The following MOB1A variants were observed in gnomAD, a reference collection of about 807,000 sequenced individuals.
The protein encoded by MOB1A is MOB1 Mps One Binder homolog A.
In MOB1A, 10 loss-of-function variants were observed where a neutral mutation model predicts 25.1. The observed-to-expected ratio is 0.40, with a 90% CI of 0.25 to 0.68. The LOEUF (loss-of-function observed/expected upper bound fraction) is 0.68. Ranked by LOEUF, MOB1A falls within the 30% of genes least tolerant of loss-of-function variation. The pLI is 0.40. For synonymous variants in MOB1A, 81 were observed against 79.5 expected (o/e 1.02, Z -0.10); for missense variants, 177 against 256.3 (o/e 0.69, Z 2.11).
rs1325937338 is a variant in MOB1A at position 74,172,690 on chromosome 2, T to C, written c.77A>G (p.Tyr26Cys). ...KKNIPEGSHQ[Y>C]ELLKHAEATL... is the part of the protein sequence containing the mutation. ...TGCTTCTGCATGTTTTAAGAGTTCA[T>C]ACTGATGAGATCCTTCAGGGATATT... Residue 26 changes from tyrosine (Y) to cysteine (C), a missense_variant, in exon 2 of 6, where the codon TAT (tyrosine) becomes TGT (cysteine). Coordinates refer to ENST00000396049, the MANE Select transcript of MOB1A (RefSeq NM_018221.5). 1.2e-6 allele frequency: 2 copies of C among 1,613,986 alleles called. No homozygotes were observed. The highest frequency in any genetic ancestry group is 2.7e-5 in the African/African-American group (2 of 75,060).
At chr2:74,178,613 C>T (rs778384951) in intron 1 of MOB1A, 48 bp downstream of exon 1, 3 of 1,361,472 alleles carry the variant, frequency 2.2e-6, no homozygotes, top group South Asian at 1.7e-5. Context: ...AGGCCTCCCC[C>T]ACAACCTCGG....
chr2:74,162,074 A>G (rs781642257), intron 4 of MOB1A, among the ~76,000 whole-genome samples: 43 of 152,250 alleles, frequency 2.8e-4, no homozygotes, highest in Non-Finnish European at 5.3e-4. Flanking sequence ...TTAATGATAA[A>G]CAGTTCTGTC....
chr2:74,178,639 C>G, intron 1 of MOB1A, 22 bp downstream of exon 1: 1 of 1,385,182 alleles, frequency 7.2e-7, no homozygotes, highest in South Asian at 1.7e-5. Flanking sequence ...AGGCCCGGCG[C>G]CCGCGGCCCG....
Position 74,172,608 on chromosome 2 carries a change from G to C in MOB1A, c.159C>G (p.Leu53=), listed in dbSNP as rs774766348. 5 of 1,613,318 alleles carry C rather than the reference G, an allele frequency of 3.1e-6. No homozygotes were observed. In the African/African-American group the frequency reaches 6.7e-5, roughly 22 times the overall value. ...TACTGTTCACAGCAATCCATTCATT[G>C]AGATCCTCTCCCTCAGGCAACATAA... ...QAVMLPEGED[L]NEWIAVNTVD... Residue 53 remains leucine, a synonymous_variant, in exon 2 of 6, where the codon CTC becomes CTG. Transcript: ENST00000396049.
In MOB1A at chr2:74,153,718, T is replaced by C. The variant is rs760865343; in HGVS notation, c.*2850A>G. On this transcript the variant is annotated 3_prime_UTR_variant, in exon 6 of 6. Coordinates refer to ENST00000396049, the MANE Select transcript of MOB1A (RefSeq NM_018221.5). ...ATTAACTGCATAATTTAGCAAGCAC[T>C]CTCTACCCCATGACTGTAATCATGT... 3 of 152,184 alleles carry C rather than the reference T, an allele frequency of 2.0e-5. No individual in the cohort carries two copies. Among genetic ancestry groups the C allele is most frequent in the Non-Finnish European group, 4.4e-5 (3 of 68,040 alleles). The allele number at this position is 152,184 out of a possible 1,614,324, so 9.4% of individuals were successfully genotyped here.
chr2:74,163,795 A>G, intron 4 of MOB1A, among the ~76,000 whole-genome samples: 1 of 152,324 alleles, frequency 6.6e-6, no homozygotes, highest in East Asian at 1.9e-4. Context: ...TACAAGAGAA[A>G]ATAAAGCTAA....
chr2:74,158,041 G>A (rs746923343), intron 5 of MOB1A, among the ~76,000 whole-genome samples: 20 of 151,976 alleles, frequency 1.3e-4, no homozygotes, highest in Admixed American at 3.3e-4. Context: ...TTAGCCGGGC[G>A]TGGTGGCAGG....
chr2:74,161,010 G>C (rs1485020788), intron 4 of MOB1A, among the ~76,000 whole-genome samples: 1 of 151,742 alleles, frequency 6.6e-6, no homozygotes, highest in Non-Finnish European at 1.5e-5. Flanking sequence ...AGTGAGCCAA[G>C]ATTGCCGCCA....
intron 3 of MOB1A, among the ~76,000 whole-genome samples, chr2:74,165,808 T>C (rs977574023): frequency 6.6e-5 from 10 of 152,176 alleles, no homozygotes; most frequent in Non-Finnish European, 4.4e-5. Flanking sequence ...CCCCCTTACC[T>C]TTGCCGAGCT....
At chr2:74,170,755 G>A (rs1180599173) in intron 2 of MOB1A, among the ~76,000 whole-genome samples, 1 of 150,982 alleles carries the variant, frequency 6.6e-6, no homozygotes. Context: ...GCAGGGCATG[G>A]TGGTGTGAGC....
Position 74,175,490 on chromosome 2 carries a change from C to A in MOB1A, c.15-2738G>T, listed in dbSNP as rs541264383. ...ACAGAGAAACTAGTATTTTAATACA[C>A]TACTGGTGAAAGTATAAAGTGTAAC... On this transcript the variant is annotated intron_variant, in intron 1 of 5. Transcript: ENST00000396049. 2.6e-5 allele frequency among the ~76,000 whole-genome samples: 4 copies of A among 152,282 alleles called. No homozygotes were observed. In the East Asian group the frequency reaches 7.7e-4, roughly 29 times the overall value.
chr2:74,176,774 A>G (rs1249198286), intron 1 of MOB1A, among the ~76,000 whole-genome samples: 1 of 151,852 alleles, frequency 6.6e-6, no homozygotes, highest in Non-Finnish European at 1.5e-5. Context: ...AAAAAAAAAA[A>G]AAAAGAAAAT....
intron 1 of MOB1A, chr2:74,173,232 T>A (rs943516187): frequency 1.9e-6 from 1 of 517,378 alleles, no homozygotes; most frequent in Non-Finnish European, 3.9e-6. Context: ...AAAGCAAGAT[T>A]AGCAGCACAA....
intron 2 of MOB1A, 106 bp downstream of exon 2, chr2:74,172,480 T>C: frequency 9.4e-7 from 1 of 1,064,352 alleles, no homozygotes; most frequent in South Asian, 1.6e-5. Context: ...TCTTTACAGA[T>C]AATTTGTTAT....
intron 2 of MOB1A, among the ~76,000 whole-genome samples, chr2:74,168,900 G>A (rs1273508986): frequency 2.0e-5 from 3 of 152,148 alleles, no homozygotes; most frequent in Admixed American, 1.3e-4. Context: ...TTCTCAAAAC[G>A]TGGTCCAGGA....
intron 1 of MOB1A, 115 bp from the exon 2 acceptor site, chr2:74,172,867 C>G (rs1558838452): frequency 8.8e-7 from 1 of 1,140,928 alleles, no homozygotes; most frequent in Non-Finnish European, 1.3e-6. Context: ...AAAATACTCT[C>G]TGGGCCAGGC....
Position 74,152,808 on chromosome 2 carries a change from C to G in MOB1A, c.*3760G>C, listed in dbSNP as rs932326869. On this transcript the variant is annotated 3_prime_UTR_variant, in exon 6 of 6. Coordinates refer to ENST00000396049, the MANE Select transcript of MOB1A (RefSeq NM_018221.5). ...ACTATTTTTGATGTAGAATAGAATG[C>G]TGTTCTATAATAAGAAGTCTGTAGC... is the stretch of plus-strand genomic sequence containing the variant. 3 of 152,102 alleles carry G rather than the reference C, an allele frequency of 2.0e-5. No homozygotes were observed. Among genetic ancestry groups the G allele is most frequent in the African/African-American group, 7.2e-5 (3 of 41,400 alleles). The allele number at this position is 152,102 out of a possible 1,614,324, so 9.4% of individuals were successfully genotyped here.
chr2:74,167,139 CTG>C, intron 2 of MOB1A, 32 bp from the exon 3 acceptor site: 1 of 1,565,784 alleles, frequency 6.4e-7, no homozygotes, highest in Non-Finnish European at 8.8e-7. Context: ...GTCAAAATGT[CTG>C]TGTAAACACA....
At chr2:74,178,148 A>G (rs1693529888) in intron 1 of MOB1A, 1 of 152,444 alleles carries the variant, frequency 6.6e-6, no homozygotes, top group African/African-American at 2.4e-5. Flanking sequence ...AATCAAAGCC[A>G]GTAAGTGGGC....
Sources: gnomAD v4.1 joint callset for allele counts (sites outside exome capture counted in the v4.1 genomes callset) on GRCh38, gnomAD v4.1.1 for gene constraint, MANE v1.5 for transcripts, NCBI Gene and HGNC (gene_info 2026-07-23, HGNC 2026-07-21) for gene names.